RASAL3: variants seen among roughly 807,000 people sequenced by gnomAD.
RASAL3 encodes the protein RAS protein activator like 3, also known as RAS protein activator like-3.
Under a neutral mutation model 105.5 loss-of-function variants are expected in RASAL3, and 74 were observed. That is an observed-to-expected ratio of 0.70 (90% CI 0.58 to 0.85). The LOEUF (loss-of-function observed/expected upper bound fraction) is 0.85. RASAL3 is among the 40% of genes least tolerant of loss of function. The pLI, the probability that RASAL3 is intolerant of heterozygous loss-of-function variation, is 0.00. For synonymous variants in RASAL3, 579 were observed against 591.6 expected (o/e 0.98, Z 0.31); for missense variants, 1,352 against 1,392.0 (o/e 0.97, Z 0.46).
intron 2 of RASAL3, among the ~76,000 whole-genome samples, chr19:15,463,229 G>A (rs1970567416): frequency 6.6e-6 from 1 of 151,772 alleles, no homozygotes; most frequent in Non-Finnish European, 1.5e-5. Context: ...GGGAGTACAG[G>A]TATGTGCCAC....
chr19:15,452,580 G>GC (rs1225914240), intron 16 of RASAL3, 78 bp downstream of exon 16: 1 of 1,184,312 alleles, frequency 8.4e-7, no homozygotes, highest in Admixed American at 3.1e-5. Context: ...TGGTTTGGGG[G>GC]GGGGGGGGAG....
intron 16 of RASAL3, 71 bp downstream of exon 16, chr19:15,452,587 G>GGA: frequency 2.7e-6 from 3 of 1,123,180 alleles, no homozygotes; most frequent in Non-Finnish European, 3.5e-6. Context: ...GGGGGGGGGG[G>GGA]GAGGGCCTGG....
At chr19:15,452,220 TG>T in intron 16 of RASAL3, 112 bp from the exon 17 acceptor site, 1 of 1,032,376 alleles carries the variant, frequency 9.7e-7, no homozygotes, top group East Asian at 2.4e-5. Flanking sequence ...AGGCGGAGCT[TG>T]TCCAGACTGA....
In RASAL3 at chr19:15,452,077, T is replaced by G; in HGVS notation, c.2860A>C (p.Thr954Pro). The G allele has an allele frequency of 6.2e-7, 1 of 1,613,882 alleles. No homozygotes were observed. The highest frequency in any genetic ancestry group is 8.5e-7 in the Non-Finnish European group (1 of 1,179,844). Residue 954 changes from threonine (T) to proline (P), a missense_variant, in exon 17 of 18, where the codon ACA becomes CCA. By Grantham distance (38) the Thr-to-Pro change is conservative. Transcript: ENST00000343625. ...SSEFDSEHNL[T>P]SNEGHSLKNL... The stretch of plus-strand genomic sequence containing the variant: ...TTCAGACTGTGCCCTTCATTGCTTG[T>G]TAGGTTGTGCTCTGAATCAAACTCT...
At chr19:15,458,449 G>C in intron 7 of RASAL3, 23 bp from the exon 8 acceptor site, 2 of 1,613,320 alleles carry the variant, frequency 1.2e-6, no homozygotes, top group Non-Finnish European at 1.7e-6. Context: ...AGAATCCAAC[G>C]GTGTGATCGA....
At chr19:15,462,897 G>A (rs368079643) in intron 2 of RASAL3, among the ~76,000 whole-genome samples, 29 of 151,554 alleles carry the variant, frequency 1.9e-4, no homozygotes, top group African/African-American at 6.8e-4. Context: ...CTTGCGGTGA[G>A]CCGAGATCGC....
chr19:15,463,660 G>A (rs949560931), intron 2 of RASAL3, among the ~76,000 whole-genome samples: 21 of 152,170 alleles, frequency 1.4e-4, no homozygotes, highest in African/African-American at 4.3e-4. Context: ...ACAAAGACAC[G>A]GAAGCTAGAA....
intron 6 of RASAL3, 114 bp downstream of exon 6, chr19:15,460,089 C>A: frequency 1.1e-6 from 1 of 872,884 alleles, no homozygotes; most frequent in Non-Finnish European, 1.8e-6. Flanking sequence ...TGATGTGGGG[C>A]AGAACACAGA....
chr19:15,458,669 G>A lies in RASAL3; in HGVS notation c.663-14C>T. On this transcript the variant is annotated splice_polypyrimidine_tract_variant and intron_variant, in intron 6 of 17. Transcript: ENST00000343625. ...GCACTGGGGGGTCTGGGAAGGGGGTGGGTGAGCACACCGTCATTCCTGCCT... is the reference window on the plus strand; with the variant it reads ...GCACTGGGGGGTCTGGGAAGGGGGTAGGTGAGCACACCGTCATTCCTGCCT... 1 of 1,610,880 alleles carries A rather than the reference G, an allele frequency of 6.2e-7. No individual in the cohort carries two copies. Among genetic ancestry groups the A allele is most frequent in the Non-Finnish European group, 8.5e-7 (1 of 1,178,740 alleles).
At position 15,454,850 on chromosome 19, in the gene RASAL3, C is replaced by A. The variant is rs1309499388; in HGVS notation, c.1765G>T (p.Glu589Ter). Residue 589 changes from glutamate to a stop codon, truncating the protein, a stop_gained, in exon 12 of 18, where the codon GAA becomes TAA. Transcript: ENST00000343625. LOFTEE classifies it high-confidence loss of function. ...ELGIVFSSWREACKERGSEVL... is the reference protein window; with the variant it reads ...ELGIVFSSWR ...TCAGAGCCACGTTCTTTACATGCTTCTCGCCAGCTTGAGAACACGATGCCC... is the reference window on the plus strand; with the variant it reads ...TCAGAGCCACGTTCTTTACATGCTTATCGCCAGCTTGAGAACACGATGCCC... 6.3e-7 allele frequency: 1 copy of A among 1,578,288 alleles called. No homozygotes were observed. Among genetic ancestry groups the A allele is most frequent in the Non-Finnish European group, 8.6e-7 (1 of 1,162,452 alleles).
chr19:15,457,172 C>G lies in RASAL3; in HGVS notation c.1431+120G>C. ...TGACACTTGGACCACGCCCCTCACA[C>G]CCCTTCAAGGTGTCTCCCCCATTAC... On this transcript the variant is annotated intron_variant, in intron 9 of 17. Coordinates refer to ENST00000343625, the MANE Select transcript of RASAL3 (RefSeq NM_022904.3). The surrounding 1 kb of genome is among the most constrained non-coding windows in gnomAD (Gnocchi z 8.6). The G allele has an allele frequency of 1.1e-6, 1 of 881,280 alleles. No homozygotes were observed. 54.6% of individuals were successfully genotyped at this position (881,280 alleles called of 1,614,324 possible).
At position 15,458,619 on chromosome 19, in the gene RASAL3, G is replaced by A; in HGVS notation, c.699C>T (p.Ala233=). The change falls in exon 7 of 18, where the codon GCC becomes GCT. Residue 233 remains alanine, a synonymous_variant. Transcript: ENST00000343625. ...CACCCAGGTCCAGTTCAGAGAGTGT[G>A]GCCAGCGACTCCCTAGAGCCCAGAG... ...PSALGSRESL[A]TLSELDLGAE... is the part of the protein sequence containing the mutation. 2.5e-6 allele frequency: 4 copies of A among 1,613,636 alleles called. No homozygotes were observed. The highest frequency in any genetic ancestry group is 3.4e-6 in the Non-Finnish European group (4 of 1,179,748).
rs1410587849 is a variant in RASAL3 at position 15,452,115 on chromosome 19, G to A, written c.2829-7C>T. The A allele has an allele frequency of 6.2e-7, 1 of 1,613,854 alleles. No individual in the cohort carries two copies. The highest frequency in any genetic ancestry group is 1.1e-5 in the South Asian group (1 of 91,082). On this transcript the variant is annotated splice_region_variant and splice_polypyrimidine_tract_variant and intron_variant, in intron 16 of 17. Coordinates refer to ENST00000343625, the MANE Select transcript of RASAL3 (RefSeq NM_022904.3). ...TGAATCAAACTCTGAGCTCCTGTGGGGGTCGGGGGATTGGGGCGAAGGGCA... is the reference window on the plus strand; with the variant it reads ...TGAATCAAACTCTGAGCTCCTGTGGAGGTCGGGGGATTGGGGCGAAGGGCA...
In RASAL3 at chr19:15,458,323, A is replaced by G; in HGVS notation, c.888+5T>C. Reference sequence around the variant, plus strand: ...TCCGTGTCCCGCTTTTCTGAGGGCAATGACCTGGGTGGGCTGGAATTGGCG... The same window carrying G: ...TCCGTGTCCCGCTTTTCTGAGGGCAGTGACCTGGGTGGGCTGGAATTGGCG... On this transcript the variant is annotated splice_donor_5th_base_variant and intron_variant, in intron 8 of 17. Transcript: ENST00000343625. The G allele has an allele frequency of 1.2e-6, 2 of 1,612,804 alleles. No individual in the cohort carries two copies. The highest frequency in any genetic ancestry group is 1.7e-6 in the Non-Finnish European group (2 of 1,179,372).
At chr19:15,460,414 T>C (rs1265856666) in intron 5 of RASAL3, among the ~76,000 whole-genome samples, 156 bp from the exon 6 acceptor site, 4 of 152,148 alleles carry the variant, frequency 2.6e-5, no homozygotes. Flanking sequence ...CAGCTCCTAA[T>C]TCTTTGTTCA....
chr19:15,455,728 A>G (rs1282467143), intron 11 of RASAL3, among the ~76,000 whole-genome samples: 1 of 152,190 alleles, frequency 6.6e-6, no homozygotes, highest in Non-Finnish European at 1.5e-5. Context: ...TGGCATGATC[A>G]TAGCTCACTG....
chr19:15,464,047 C>A lies in RASAL3; in HGVS notation c.312G>T (p.Pro104=), dbSNP rs78677793. ...KNPPPEPDPE[P]EQEAPELEPE... ...ACCATGTACCTGGGGCCTCCTGCTC[C>A]GGCTCCGGGTCTGGCTCCGGCGGTG... Residue 104 remains proline, a synonymous_variant, in exon 2 of 18, where the codon CCG becomes CCT. Coordinates refer to ENST00000343625, the MANE Select transcript of RASAL3 (RefSeq NM_022904.3). 6 of 1,567,178 alleles carry A rather than the reference C, an allele frequency of 3.8e-6. No homozygotes were observed. In the East Asian group the frequency reaches 9.0e-5, roughly 24 times the overall value.
Sources: allele counts gnomAD v4.1 joint callset (sites outside exome capture counted in the v4.1 genomes callset), GRCh38; gene constraint gnomAD v4.1.1; non-coding constraint Gnocchi (gnomAD v3.1); transcripts MANE v1.5; gene names NCBI Gene and HGNC (gene_info 2026-07-23, HGNC 2026-07-21).